Variants in IMPG2 observed in about 807,000 individuals in gnomAD.
The protein encoded by IMPG2 is interphotoreceptor matrix proteoglycan 2, also known as IPM 200.
IMPG2 carries 91 observed loss-of-function variants against 129.2 expected under a neutral mutation model. That is an observed-to-expected ratio of 0.70 (90% CI 0.59 to 0.84). The LOEUF (loss-of-function observed/expected upper bound fraction) is 0.84. Ranked by LOEUF, IMPG2 falls within the 40% of genes least tolerant of loss-of-function variation. The probability of loss-of-function intolerance (pLI) is 0.00; values close to 1 mark genes in which losing one functional copy is unlikely to be tolerated. For missense variants in IMPG2, 1,430 were observed against 1,461.7 expected (o/e 0.98, Z 0.35); for synonymous variants, 510 against 517.7 (o/e 0.99, Z 0.20).
In IMPG2 at chr3:101,243,515, C is replaced by T. The variant is rs1203253317; in HGVS notation, c.2802+14G>A. The T allele has an allele frequency of 3.1e-6, 5 of 1,612,550 alleles. No individual in the cohort carries two copies. In the Admixed American group the frequency reaches 6.7e-5, roughly 22 times the overall value. On this transcript the variant is annotated intron_variant, in intron 13 of 18. Transcript: ENST00000193391. ...ATTATTCACTAGTGCCCATGTTTCA[C>T]TTTTTATGCTTACCAATTCTAAGAA...
In IMPG2 at chr3:101,229,384, C is replaced by T; in HGVS notation, c.3629G>A (p.Arg1210Lys). 6.3e-7 allele frequency: 1 copy of T among 1,576,424 alleles called. No individual in the cohort carries two copies. Among genetic ancestry groups the T allele is most frequent in the Non-Finnish European group, 8.6e-7 (1 of 1,157,316 alleles). The stretch of plus-strand genomic sequence containing the variant: ...CATAAATGCAAAGTTTCCCACCTCT[C>T]TGGAAAGCTCACTGCTCTCATACAT... The part of the protein sequence containing the change: ...RQMYESSELS[R>K]EEIQERMRVL... Residue 1210 changes from arginine (R) to lysine (K), a missense_variant, in exon 17 of 19, where the codon AGA (arginine) becomes AAA (lysine). Coordinates refer to ENST00000193391, the MANE Select transcript of IMPG2 (RefSeq NM_016247.4).
At chr3:101,234,305 A>C (rs1706323063) in intron 14 of IMPG2, among the ~76,000 whole-genome samples, 1 of 151,770 alleles carries the variant, frequency 6.6e-6, no homozygotes, top group Non-Finnish European at 1.5e-5. Flanking sequence ...ATACACCTAT[A>C]AGCTAAGGGA....
intron 16 of IMPG2, among the ~76,000 whole-genome samples, chr3:101,230,646 C>A (rs1374611461): frequency 6.6e-6 from 1 of 152,198 alleles, no homozygotes; most frequent in African/African-American, 2.4e-5. Context: ...AGCATCCCAG[C>A]CCAAACATAG....
chr3:101,304,936 A>C (rs1207029186), intron 2 of IMPG2, among the ~76,000 whole-genome samples: 1 of 152,208 alleles, frequency 6.6e-6, no homozygotes, highest in East Asian at 1.9e-4. Flanking sequence ...CAAGTAGAAG[A>C]TATCCACCTG....
rs1706474271 is a variant in IMPG2, at chr3:101,246,068, T to TG, written c.1276_1277insC (p.Glu426AlafsTer11). ...TGGTGGAATACTGCTGGTGATGGATTCATCTGCTGAGGGCCATGCAGCTTG... is the reference window on the plus strand; with the variant it reads ...TGGTGGAATACTGCTGGTGATGGATTGCATCTGCTGAGGGCCATGCAGCTTG... On this transcript the variant is annotated frameshift_variant, in exon 12 of 19. Transcript: ENST00000193391. LOFTEE classifies it high-confidence loss of function. 2 of 1,614,098 alleles carry TG rather than the reference T, an allele frequency of 1.2e-6. No individual in the cohort carries two copies. Among genetic ancestry groups the TG allele is most frequent in the Non-Finnish European group, 1.7e-6 (2 of 1,179,990 alleles).
chr3:101,314,360 TC>T (rs2058772465), intron 2 of IMPG2, among the ~76,000 whole-genome samples: 1 of 152,140 alleles, frequency 6.6e-6, no homozygotes, highest in Non-Finnish European at 1.5e-5. Flanking sequence ...TAACTGGGTG[TC>T]CTGCATTTTT....
At chr3:101,247,148 G>A (rs1706488912) in intron 11 of IMPG2, among the ~76,000 whole-genome samples, 1 of 151,902 alleles carries the variant, frequency 6.6e-6, no homozygotes, top group South Asian at 2.1e-4. Context: ...AACGACCATG[G>A]TATTTGGCAG....
intron 3 of IMPG2, among the ~76,000 whole-genome samples, chr3:101,291,915 A>G (rs1707018597): frequency 6.6e-6 from 1 of 152,232 alleles, no homozygotes. Context: ...ATGTGGATAA[A>G]ACAATTGATG....
rs909700875 is a variant in IMPG2 at position 101,319,732 on chromosome 3, C to G, written c.186G>C (p.Lys62Asn). 2 of 1,613,504 alleles carry G rather than the reference C, an allele frequency of 1.2e-6. No homozygotes were observed. Among genetic ancestry groups the G allele is most frequent in the African/African-American group, 2.7e-5 (2 of 74,876 alleles). Residue 62 changes from lysine (K) to asparagine (N), a missense_variant, in exon 2 of 19, where the codon AAG becomes AAC. By Grantham distance (94) the Lys-to-Asn change is moderately conservative. Transcript: ENST00000193391. ...TTTCTCTGCGGTCCAGAGGCTGTTT[C>G]TTTTTGGTAGCTAGAGAAAGGTCTG... ...ESTDLSLATK[K>N]KQPLDRRETE... is the part of the protein sequence containing the mutation.
In IMPG2 at chr3:101,222,754, A is replaced by G. The variant is rs1283314029; in HGVS notation, c.*4215T>C. 2 of 152,212 alleles carry G rather than the reference A, an allele frequency of 1.3e-5. No individual in the cohort carries two copies. Among genetic ancestry groups the G allele is most frequent in the South Asian group, 2.1e-4 (1 of 4,832 alleles). 9.4% of individuals were successfully genotyped at this position (152,212 alleles called of 1,614,324 possible). ...CATTATAAACAAGGTGAAAAAGAAA[A>G]GTCCTTCATTATCCATACTCGATAT... On this transcript the variant is annotated 3_prime_UTR_variant, in exon 19 of 19. Coordinates refer to ENST00000193391, the MANE Select transcript of IMPG2 (RefSeq NM_016247.4).
Position 101,246,061 on chromosome 3 carries a change from G to A in IMPG2, c.1284C>T (p.Ile428=). The stretch of plus-strand genomic sequence containing the variant: ...AATCAAGTGGTGGAATACTGCTGGT[G>A]ATGGATTCATCTGCTGAGGGCCATG... ...QAAWPSADES[I]TSSIPPLDFS... The change falls in exon 12 of 19, where the codon ATC becomes ATT. Residue 428 remains isoleucine, a synonymous_variant. Coordinates refer to ENST00000193391, the MANE Select transcript of IMPG2 (RefSeq NM_016247.4). 1 of 1,614,118 alleles carries A rather than the reference G, an allele frequency of 6.2e-7. No homozygotes were observed. Among genetic ancestry groups the A allele is most frequent in the Non-Finnish European group, 8.5e-7 (1 of 1,179,996 alleles).
intron 9 of IMPG2, 58 bp from the exon 10 acceptor site, chr3:101,257,831 C>A (rs979479484): frequency 1.3e-6 from 2 of 1,584,390 alleles, no homozygotes; most frequent in Non-Finnish European, 1.7e-6. Context: ...AAGAAAGGAG[C>A]ATTGAACCCA....
chr3:101,229,099 G>A (rs964774720), intron 17 of IMPG2, among the ~76,000 whole-genome samples: 2 of 147,936 alleles, frequency 1.4e-5, no homozygotes, highest in African/African-American at 5.0e-5. Flanking sequence ...ATATTTCTAA[G>A]GAAGAAAGGG....
At chr3:101,318,651 T>C (rs1203192076) in intron 2 of IMPG2, among the ~76,000 whole-genome samples, 1 of 152,108 alleles carries the variant, frequency 6.6e-6, no homozygotes, top group Non-Finnish European at 1.5e-5. Flanking sequence ...AAACATTTGT[T>C]GAATGAATTA....
At chr3:101,241,787 G>C (rs1018375175) in intron 14 of IMPG2, among the ~76,000 whole-genome samples, 1 of 152,080 alleles carries the variant, frequency 6.6e-6, no homozygotes, top group Admixed American at 6.6e-5. Context: ...CAGCACTTTG[G>C]GAGGCCGAGG....
At position 101,291,460 on chromosome 3, in the gene IMPG2, G is replaced by T; in HGVS notation, c.533+19C>A. The T allele has an allele frequency of 6.2e-7, 1 of 1,607,578 alleles. No homozygotes were observed. The highest frequency in any genetic ancestry group is 8.5e-7 in the Non-Finnish European group (1 of 1,174,222). On this transcript the variant is annotated intron_variant, in intron 4 of 18. Coordinates refer to ENST00000193391, the MANE Select transcript of IMPG2 (RefSeq NM_016247.4). ...ATCTGTGTTGCCAAACATGAATTTTGGGAAAAAGAGACACTCACCTGCTTA... is the reference window on the plus strand; with the variant it reads ...ATCTGTGTTGCCAAACATGAATTTTTGGAAAAAGAGACACTCACCTGCTTA...
At chr3:101,266,396 T>C (rs1202944121) in intron 9 of IMPG2, among the ~76,000 whole-genome samples, 3 of 152,178 alleles carry the variant, frequency 2.0e-5, no homozygotes, top group African/African-American at 7.2e-5. Flanking sequence ...AAACATTTTT[T>C]CTTTTCTCCT....
chr3:101,301,068 G>A (rs1469419543), intron 3 of IMPG2, among the ~76,000 whole-genome samples: 5 of 152,182 alleles, frequency 3.3e-5, no homozygotes, highest in South Asian at 2.1e-4. Flanking sequence ...CTGAGGAGAC[G>A]GCTTGAGGCC....
chr3:101,229,386 G>A lies in IMPG2; in HGVS notation c.3627C>T (p.Ser1209=). The change falls in exon 17 of 19, where the codon TCC becomes TCT. Residue 1209 remains serine, a synonymous_variant. Coordinates refer to ENST00000193391, the MANE Select transcript of IMPG2 (RefSeq NM_016247.4). ...TAAATGCAAAGTTTCCCACCTCTCT[G>A]GAAAGCTCACTGCTCTCATACATCT... ...IRQMYESSEL[S]REEIQERMRV... 1 of 1,596,124 alleles carries A rather than the reference G, an allele frequency of 6.3e-7. No homozygotes were observed. Among genetic ancestry groups the A allele is most frequent in the East Asian group, 2.3e-5 (1 of 44,266 alleles).
Sources: gnomAD v4.1 joint callset for allele counts (sites outside exome capture counted in the v4.1 genomes callset) on GRCh38, gnomAD v4.1.1 for gene constraint, MANE v1.5 for transcripts, NCBI Gene and HGNC (gene_info 2026-07-23, HGNC 2026-07-21) for gene names.